PAPSS2: variants seen among roughly 807,000 people sequenced by gnomAD.
PAPSS2 encodes the protein 3'-phosphoadenosine 5'-phosphosulfate synthase 2.
In PAPSS2, 61 loss-of-function variants were observed where a neutral mutation model predicts 66.5. The observed-to-expected ratio is 0.92, with a 90% CI of 0.75 to 1.14. PAPSS2 has a LOEUF of 1.14. Ranked by LOEUF, PAPSS2 falls within the 50% of genes most tolerant of loss-of-function variation. The pLI is 0.00. For missense variants in PAPSS2, 708 were observed against 789.6 expected (o/e 0.90, Z 1.24); for synonymous variants, 289 against 287.5 (o/e 1.01, Z -0.05).
At chr10:87,718,341 T>C (rs896318543) in intron 7 of PAPSS2, among the ~76,000 whole-genome samples, 1 of 152,076 alleles carries the variant, frequency 6.6e-6, no homozygotes, top group Non-Finnish European at 1.5e-5. Context: ...AACCCATTGA[T>C]TTTCTATTTC....
chr10:87,660,108 G>A (rs1187502197), intron 1 of PAPSS2, 100 bp downstream of exon 1: 4 of 1,240,448 alleles, frequency 3.2e-6, no homozygotes, highest in Middle Eastern at 2.3e-4. Flanking sequence ...CTCCCCGGGA[G>A]GGGGCGTCGG....
At chr10:87,709,944 C>T (rs932188586) in intron 2 of PAPSS2, among the ~76,000 whole-genome samples, 2 of 152,134 alleles carry the variant, frequency 1.3e-5, no homozygotes, top group Non-Finnish European at 2.9e-5. Context: ...AATGTCAAAA[C>T]TGAGAATTAG....
At chr10:87,665,807 T>A (rs540212004) in intron 1 of PAPSS2, among the ~76,000 whole-genome samples, 3 of 152,314 alleles carry the variant, frequency 2.0e-5, no homozygotes, top group African/African-American at 7.2e-5. Context: ...TCAGTGAAGC[T>A]GTCAAAATCA....
At chr10:87,677,618 C>T (rs1460809948) in intron 1 of PAPSS2, among the ~76,000 whole-genome samples, 1 of 152,184 alleles carries the variant, frequency 6.6e-6, no homozygotes, top group Middle Eastern at 3.2e-3. Context: ...AGAATTAAGA[C>T]AATCACCTCC....
At chr10:87,679,972 G>A (rs1852998589) in intron 1 of PAPSS2, among the ~76,000 whole-genome samples, 1 of 149,992 alleles carries the variant, frequency 6.7e-6, no homozygotes, top group South Asian at 2.1e-4. Context: ...GCTGCAGTGA[G>A]CCACCATGAT....
intron 6 of PAPSS2, 102 bp from the exon 7 acceptor site, chr10:87,715,630 C>G: frequency 9.5e-6 from 7 of 740,392 alleles, no homozygotes; most frequent in South Asian, 2.9e-5. Context: ...GAAGGTTCTG[C>G]CCTCATCCTC....
intron 9 of PAPSS2, among the ~76,000 whole-genome samples, chr10:87,734,663 GTATATATATATATA>G (rs66686947): frequency 0.028 from 2,233 of 81,182 alleles, 75 homozygotes; most frequent in South Asian, 0.05. Flanking sequence ...GAATGTGTGT[GTATATATATATATA>G]TATATATATA....
At chr10:87,734,663 G>GTACACA (rs1554867987) in intron 9 of PAPSS2, among the ~76,000 whole-genome samples, 1 of 81,098 alleles carries the variant, frequency 1.2e-5, no homozygotes, top group Non-Finnish European at 2.2e-5. Flanking sequence ...GAATGTGTGT[G>GTACACA]TATATATATA....
At chr10:87,675,174 C>G (rs1050110764) in intron 1 of PAPSS2, among the ~76,000 whole-genome samples, 7 of 152,208 alleles carry the variant, frequency 4.6e-5, no homozygotes, top group African/African-American at 1.7e-4. Context: ...CCCTCTTAGT[C>G]ATAGCATTAG....
Position 87,727,310 on chromosome 10 carries a change from A to C in PAPSS2, c.907A>C (p.Ile303Leu), listed in dbSNP as rs765764640. 1 of 1,613,670 alleles carries C rather than the reference A, an allele frequency of 6.2e-7. No individual in the cohort carries two copies. Among genetic ancestry groups the C allele is most frequent in the Non-Finnish European group, 8.5e-7 (1 of 1,179,984 alleles). ...PDGVINMSIP[I>L]VLPVSAEDKT... is the part of the protein sequence containing the mutation. ...TGGCGTGATCAACATGAGCATCCCC[A>C]TTGTACTGCCCGTCTCTGCAGAGGA... The change falls in exon 9 of 13, where the codon ATT becomes CTT. Residue 303 changes from isoleucine to leucine, a missense_variant. Transcript: ENST00000456849.
At chr10:87,725,672 C>T (rs1268054093) in intron 8 of PAPSS2, among the ~76,000 whole-genome samples, 10 of 151,992 alleles carry the variant, frequency 6.6e-5, no homozygotes, top group Admixed American at 5.9e-4. Context: ...GAGGACTGCT[C>T]GTTTGGGATC....
At chr10:87,664,822 T>C (rs1007148896) in intron 1 of PAPSS2, among the ~76,000 whole-genome samples, 2 of 152,234 alleles carry the variant, frequency 1.3e-5, no homozygotes, top group African/African-American at 4.8e-5. Context: ...AACATAAATA[T>C]AACACTAGTT....
chr10:87,697,037 T>G (rs1209171328), intron 1 of PAPSS2, among the ~76,000 whole-genome samples: 2 of 152,202 alleles, frequency 1.3e-5, no homozygotes, highest in African/African-American at 4.8e-5. Flanking sequence ...AACATTTTTC[T>G]GTTCAAGGAT....
rs1361387878 is a variant in PAPSS2 at position 87,743,606 on chromosome 10, T to G, written c.1456T>G (p.Phe486Val). 6.2e-7 allele frequency: 1 copy of G among 1,614,140 alleles called. No individual in the cohort carries two copies. Among genetic ancestry groups the G allele is most frequent in the Non-Finnish European group, 8.5e-7 (1 of 1,180,012 alleles). Residue 486 changes from phenylalanine to valine, a missense_variant, in exon 11 of 13, where the codon TTT (phenylalanine) becomes GTT (valine). Phe to Val is a conservative substitution (Grantham distance 50). Transcript: ENST00000456849. ...TCCCAAGTCAACCATTGTTGCCATC[T>G]TTCCGTCTCCCATGTTATATGCTGG... Reference protein sequence around the residue: ...LDPKSTIVAIFPSPMLYAGPT... With the variant: ...LDPKSTIVAIVPSPMLYAGPT...
chr10:87,684,369 A>G (rs1853061922), intron 1 of PAPSS2, among the ~76,000 whole-genome samples: 3 of 152,222 alleles, frequency 2.0e-5, no homozygotes, highest in Non-Finnish European at 2.9e-5. Context: ...ACAGTTGCAA[A>G]GGTAAGCTAT....
Position 87,743,345 on chromosome 10 carries a change from C to A in PAPSS2, c.1223-28C>A, listed in dbSNP as rs367920067. On this transcript the variant is annotated intron_variant, in intron 10 of 12. Transcript: ENST00000456849. The stretch of plus-strand genomic sequence containing the variant: ...GAAATGACACCATGTGTTTCTGTGA[C>A]CTTCCTTCTTCTGCTTTCCTCTCCC... The A allele has an allele frequency of 1.1e-5, 18 of 1,611,506 alleles. 1 individual carries two copies. The African/African-American group carries it at 1.2e-4, about 11-fold the overall frequency.
At chr10:87,732,453 G>A (rs758561683) in intron 9 of PAPSS2, among the ~76,000 whole-genome samples, 25 of 151,952 alleles carry the variant, frequency 1.6e-4, no homozygotes, top group Admixed American at 2.0e-4. Flanking sequence ...AGCCTGGGAA[G>A]TCGAGGCTGC....
chr10:87,731,572 T>C (rs1038393333), intron 9 of PAPSS2, among the ~76,000 whole-genome samples: 2 of 152,208 alleles, frequency 1.3e-5, no homozygotes, highest in African/African-American at 4.8e-5. Context: ...GAAAACCTTC[T>C]GGAAGGGATT....
At chr10:87,689,616 G>A (rs1262557012) in intron 1 of PAPSS2, among the ~76,000 whole-genome samples, 1 of 144,434 alleles carries the variant, frequency 6.9e-6, no homozygotes, top group Non-Finnish European at 1.5e-5. Flanking sequence ...GCGGTGAGCC[G>A]AGATCGTGCC....
Sources: allele counts gnomAD v4.1 joint callset (sites outside exome capture counted in the v4.1 genomes callset), GRCh38; gene constraint gnomAD v4.1.1; transcripts MANE v1.5; gene names NCBI Gene and HGNC (gene_info 2026-07-23, HGNC 2026-07-21).